Variants in CSMD1 observed in about 807,000 individuals in gnomAD.
CSMD1 encodes the protein CUB and Sushi multiple domains 1.
A neutral mutation model predicts 417.5 loss-of-function variants in CSMD1; 213 were observed. The ratio of observed to expected loss-of-function variants is 0.51; its 90% CI spans 0.46 to 0.57. CSMD1 has a LOEUF of 0.57. CSMD1 is among the 20% of genes least tolerant of loss of function. The pLI is 0.00. For synonymous variants in CSMD1, 2,862 were observed against 1,736.8 expected (o/e 1.65, Z -16.11); for missense variants, 6,923 against 4,529.7 (o/e 1.53, Z -15.17).
At chr8:4,206,491 C>T (rs892632548) in intron 3 of CSMD1, among the ~76,000 whole-genome samples, 3 of 152,152 alleles carry the variant, frequency 2.0e-5, no homozygotes, top group African/African-American at 7.2e-5. Context: ...CAGCTTCGTC[C>T]ATGTCCCTAC....
intron 5 of CSMD1, among the ~76,000 whole-genome samples, chr8:3,790,736 T>G (rs1393889239): frequency 6.6e-6 from 1 of 152,186 alleles, no homozygotes; most frequent in Admixed American, 6.5e-5. Context: ...ACTTCTCCAT[T>G]TCAAAGATAA....
intron 21 of CSMD1, 55 bp from the exon 22 acceptor site, chr8:3,348,216 TA>T: frequency 2.8e-6 from 4 of 1,428,100 alleles, no homozygotes; most frequent in Non-Finnish European, 3.9e-6. Context: ...TTACTGTTTT[TA>T]ACAGATTAAA....
intron 3 of CSMD1, among the ~76,000 whole-genome samples, chr8:4,372,838 T>G (rs755931816): frequency 3.3e-5 from 5 of 152,104 alleles, no homozygotes; most frequent in African/African-American, 4.8e-5. Flanking sequence ...AAAGCCCAAT[T>G]TCCAGTGCAG....
chr8:2,970,105 A>C (rs1266435316), intron 57 of CSMD1, among the ~76,000 whole-genome samples: 7 of 152,224 alleles, frequency 4.6e-5, no homozygotes, highest in Non-Finnish European at 1.0e-4. Flanking sequence ...TTTTAAAAAT[A>C]CTTTGCATTG....
intron 3 of CSMD1, among the ~76,000 whole-genome samples, chr8:4,362,949 T>G (rs1307946288): frequency 6.6e-6 from 1 of 152,188 alleles, no homozygotes; most frequent in African/African-American, 2.4e-5. Flanking sequence ...TCTATGTAAT[T>G]TAAGCCAAAT....
In CSMD1 at chr8:2,978,656, C is replaced by A. The variant is rs1450391077; in HGVS notation, c.8522G>T (p.Cys2841Phe). 1 of 1,606,610 alleles carries A rather than the reference C, an allele frequency of 6.2e-7. No homozygotes were observed. Among genetic ancestry groups the A allele is most frequent in the Non-Finnish European group, 8.5e-7 (1 of 1,176,504 alleles). The stretch of plus-strand genomic sequence containing the variant: ...TCGGTCCCATAAGCCATTTGCCATA[C>A]AGGTCAAGGCTGAAGATCCCAGCAA... ...FYLLGSSALT[C>F]MANGLWDRSL... Residue 2841 changes from cysteine (C) to phenylalanine (F), a missense_variant, in exon 55 of 70, where the codon TGT becomes TTT. By Grantham distance (205) the Cys-to-Phe change is radical. Coordinates refer to ENST00000635120, the MANE Select transcript of CSMD1 (RefSeq NM_033225.6).
At chr8:2,963,586 C>T (rs931276626) in intron 59 of CSMD1, among the ~76,000 whole-genome samples, 191 bp from the exon 60 acceptor site, 1 of 152,106 alleles carries the variant, frequency 6.6e-6, no homozygotes, top group Admixed American at 6.5e-5. Context: ...AATATTTCTT[C>T]ATTAATATCG....
chr8:3,205,055 C>T (rs964177203), intron 31 of CSMD1, among the ~76,000 whole-genome samples: 1 of 152,206 alleles, frequency 6.6e-6, no homozygotes. Context: ...TTCTCCGTCC[C>T]TCAGCACTTA....
chr8:4,665,343 G>A (rs913669796), intron 1 of CSMD1, among the ~76,000 whole-genome samples: 1 of 152,130 alleles, frequency 6.6e-6, no homozygotes, highest in Non-Finnish European at 1.5e-5. Context: ...ATTAACTGAA[G>A]ACTAATTTCC....
intron 1 of CSMD1, among the ~76,000 whole-genome samples, chr8:4,700,046 G>C (rs1807419506): frequency 6.6e-6 from 1 of 152,304 alleles, no homozygotes; most frequent in South Asian, 2.1e-4. Flanking sequence ...GAGCCATGAA[G>C]GAGAAACCAC....
At chr8:3,528,214 G>C (rs1217732912) in intron 10 of CSMD1, among the ~76,000 whole-genome samples, 1 of 152,232 alleles carries the variant, frequency 6.6e-6, no homozygotes, top group Admixed American at 6.5e-5. Context: ...CAAATATTAA[G>C]TACTGCATTT....
intron 1 of CSMD1, among the ~76,000 whole-genome samples, chr8:4,707,299 G>A (rs1584974127): frequency 6.6e-6 from 1 of 152,280 alleles, no homozygotes; most frequent in African/African-American, 2.4e-5. Flanking sequence ...GGAAATTGAA[G>A]CTTGGAGAAG....
chr8:3,793,698 G>A (rs554978401), intron 5 of CSMD1, among the ~76,000 whole-genome samples: 2 of 152,274 alleles, frequency 1.3e-5, no homozygotes, highest in East Asian at 3.9e-4. Flanking sequence ...TTCAGGGTAA[G>A]TTAATATGTT....
intron 5 of CSMD1, among the ~76,000 whole-genome samples, chr8:3,784,326 T>C (rs569840056): frequency 1.3e-5 from 2 of 152,262 alleles, no homozygotes; most frequent in South Asian, 2.1e-4. Context: ...ATATCTCACT[T>C]CTAAAATTAA....
intron 12 of CSMD1, among the ~76,000 whole-genome samples, chr8:3,433,774 A>T (rs933723764): frequency 6.6e-6 from 1 of 152,176 alleles, no homozygotes; most frequent in Admixed American, 6.6e-5. Flanking sequence ...CCTACGTAAG[A>T]CTTCAGAGCA....
chr8:3,087,251 A>G lies in CSMD1; in HGVS notation c.7320T>C (p.Asn2440=), dbSNP rs1460134372. 2.5e-6 allele frequency: 4 copies of G among 1,613,944 alleles called. No homozygotes were observed. The highest frequency in any genetic ancestry group is 4.5e-5 in the East Asian group (2 of 44,882). ...PYCSLTHPLK[N]GGILNRTAGA... ...CTGCAGTCCTGTTTAGAATACCCCC[A>G]TTCTTCAGGGGGTGGGTCAAACTGC... Residue 2440 remains asparagine (N), a synonymous_variant, in exon 49 of 70, where the codon AAT becomes AAC. Transcript: ENST00000635120.
In CSMD1 at chr8:2,942,539, C is replaced by T. The variant is rs1177235700; in HGVS notation, c.10468G>A (p.Ala3490Thr). The T allele has an allele frequency of 2.5e-6, 4 of 1,610,104 alleles. No individual in the cohort carries two copies. The East Asian group carries it at 6.7e-5, about 27-fold the overall frequency. Reference protein sequence around the residue: ...YHGTSSGSVAAAILVPFFALI... With the variant: ...YHGTSSGSVATAILVPFFALI... ...GCAAAGAAAGGAACCAGAATGGCAG[C>T]CGCCACAGAGCCACTGCTGGTGCCG... Residue 3490 changes from alanine to threonine, a missense_variant, in exon 69 of 70, where the codon GCT becomes ACT. Transcript: ENST00000635120.
chr8:4,335,469 T>C (rs1454451016), intron 3 of CSMD1, among the ~76,000 whole-genome samples: 2 of 152,112 alleles, frequency 1.3e-5, no homozygotes, highest in African/African-American at 4.8e-5. Context: ...AGGGAATTTA[T>C]ATGGACTCCA....
At chr8:4,104,651 G>C (rs903352338) in intron 3 of CSMD1, among the ~76,000 whole-genome samples, 7 of 152,172 alleles carry the variant, frequency 4.6e-5, no homozygotes, top group African/African-American at 7.2e-5. Context: ...ACATGGGAAA[G>C]AGCTGTGCCA....
Sources: allele counts gnomAD v4.1 joint callset (sites outside exome capture counted in the v4.1 genomes callset), GRCh38; gene constraint gnomAD v4.1.1; transcripts MANE v1.5; gene names NCBI Gene and HGNC (gene_info 2026-07-23, HGNC 2026-07-21).